Variants in CHKB observed in about 807,000 individuals in gnomAD.
CHKB encodes the protein choline/ethanolamine kinase.
A neutral mutation model predicts 57.3 loss-of-function variants in CHKB; 45 were observed. That is an observed-to-expected ratio of 0.79 (90% CI 0.62 to 1.01). CHKB has a LOEUF of 1.01. CHKB is among the 50% of genes least tolerant of loss of function. CHKB has a pLI of 0.00. For synonymous variants in CHKB, 224 were observed against 201.8 expected, an observed-to-expected ratio of 1.11 and a Z score of -0.93; for missense variants, 517 against 502.8, an observed-to-expected ratio of 1.03 and a Z score of -0.27.
chr22:50,582,207 G>T, intron 2 of CHKB, 42 bp downstream of exon 2: 2 of 1,502,864 alleles, frequency 1.3e-6, no homozygotes, highest in Non-Finnish European at 1.8e-6. Context: ...TAAGCGACAG[G>T]CCCTAAAGCC....
At chr22:50,579,600 A>T in intron 9 of CHKB, 93 bp from the exon 10 acceptor site, 2 of 1,512,560 alleles carry the variant, frequency 1.3e-6, no homozygotes, top group Non-Finnish European at 1.8e-6. Flanking sequence ...CTACAGTTTT[A>T]ACTTCTCCCC....
rs1412475713 is a variant in CHKB at position 50,581,730 on chromosome 22, G to T, written c.447+19C>A. On this transcript the variant is annotated intron_variant, in intron 3 of 10. Coordinates refer to ENST00000406938, the MANE Select transcript of CHKB (RefSeq NM_005198.5). ...GGTGGAGGTGCCTTGGGGAGGAGAG[G>T]GTAGGACTGGGCCCGTACTGGGATG... The T allele has an allele frequency of 2.5e-6, 4 of 1,608,286 alleles. No homozygotes were observed. In the African/African-American group the frequency reaches 4.0e-5, roughly 16 times the overall value.
chr22:50,582,204 C>T (rs1162419560), intron 2 of CHKB, 45 bp downstream of exon 2: 1 of 1,497,962 alleles, frequency 6.7e-7, no homozygotes, highest in Non-Finnish European at 9.1e-7. Context: ...GCGTAAGCGA[C>T]AGGCCCTAAA....
chr22:50,581,285 T>C, intron 4 of CHKB, 135 bp downstream of exon 4: 2 of 1,222,702 alleles, frequency 1.6e-6, no homozygotes, highest in Non-Finnish European at 2.3e-6. Flanking sequence ...CTGGCAAGCA[T>C]TTAAAAGCCT....
At position 50,582,375 on chromosome 22, in the gene CHKB, GC is replaced by G; in HGVS notation, c.225-19del. ...GGCCTCCGCTGCAGACCCACACCAG[GC>G]GCGCTCAGCCCGCGGCCGGCCCTAC... On this transcript the variant is annotated intron_variant, in intron 1 of 10. Transcript: ENST00000406938. 1 of 1,537,374 alleles carries G rather than the reference GC, an allele frequency of 6.5e-7. No homozygotes were observed. Among genetic ancestry groups the G allele is most frequent in the South Asian group, 1.2e-5 (1 of 84,002 alleles).
rs752292240 is a variant in CHKB at position 50,582,644 on chromosome 22, C to A, written c.138G>T (p.Glu46Asp). Residue 46 changes from glutamate (E) to aspartate (D), a missense_variant, in exon 1 of 11, where the codon GAG (glutamate) becomes GAT (aspartate). Coordinates refer to ENST00000406938, the MANE Select transcript of CHKB (RefSeq NM_005198.5). The stretch of plus-strand genomic sequence containing the variant: ...CCCGGCACCATTGGTAGGCTCGGCG[C>A]TCGGCGTCACGCGACAGCGACGAGG... Reference protein sequence around the residue: ...RRASSLSRDAERRAYQWCREY... With the variant: ...RRASSLSRDADRRAYQWCREY... 21 of 1,610,736 alleles carry A rather than the reference C, an allele frequency of 1.3e-5. No homozygotes were observed. The highest frequency in any genetic ancestry group is 1.6e-4 in the Middle Eastern group (1 of 6,074).
At chr22:50,580,683 C>T in intron 4 of CHKB, 23 bp from the exon 5 acceptor site, 2 of 1,608,444 alleles carry the variant, frequency 1.2e-6, no homozygotes, top group Non-Finnish European at 1.7e-6. Context: ...GAATAGGATA[C>T]ACTGGCTCTG....
At chr22:50,581,250 A>C (rs1243521341) in intron 4 of CHKB, among the ~76,000 whole-genome samples, 170 bp downstream of exon 4, 1 of 152,164 alleles carries the variant, frequency 6.6e-6, no homozygotes, top group African/African-American at 2.4e-5. Context: ...CTGGGATTAC[A>C]GGCATGAGGC....
At chr22:50,582,163 A>G (rs1220669507) in intron 2 of CHKB, 86 bp downstream of exon 2, 3 of 1,257,836 alleles carry the variant, frequency 2.4e-6, no homozygotes, top group Non-Finnish European at 3.4e-6. Flanking sequence ...GGTGTCCTCA[A>G]CTGCGCAACG....
rs145253375 is a variant in CHKB at position 50,580,526 on chromosome 22, G to A, written c.677+39C>T. On this transcript the variant is annotated intron_variant, in intron 5 of 10. Transcript: ENST00000406938. ...AGCCCTCAGCAACTACTGGAAGGGCGGACACCATTACCATTAGCCTTGTCC... is the reference window on the plus strand; with the variant it reads ...AGCCCTCAGCAACTACTGGAAGGGCAGACACCATTACCATTAGCCTTGTCC... 410 of 1,611,366 alleles carry A rather than the reference G, an allele frequency of 2.5e-4. 2 individuals are homozygous for A. The highest frequency in any genetic ancestry group is 3.4e-4 in the Middle Eastern group (2 of 5,876).
intron 1 of CHKB, 30 bp downstream of exon 1, chr22:50,582,528 C>A (rs1376427796): frequency 6.3e-7 from 1 of 1,588,714 alleles, no homozygotes; most frequent in Non-Finnish European, 8.6e-7. Context: ...CCGATCCGCG[C>A]ACCGGAGAGG....
chr22:50,582,444 C>T (rs2070715956), intron 1 of CHKB, 87 bp from the exon 2 acceptor site: 1 of 1,462,006 alleles, frequency 6.8e-7, no homozygotes, highest in Non-Finnish European at 9.1e-7. Context: ...CGGCCCCGCC[C>T]CGCCCCAGGC....
intron 7 of CHKB, 32 bp downstream of exon 7, chr22:50,580,158 A>G (rs2070654184): frequency 6.2e-7 from 1 of 1,613,392 alleles, no homozygotes; most frequent in Admixed American, 1.7e-5. Flanking sequence ...CTATGGGAAC[A>G]GATCTATGGG....
In CHKB at chr22:50,580,233, T is replaced by C. The variant is rs778897184; in HGVS notation, c.775A>G (p.Ser259Gly). Residue 259 changes from serine to glycine, a missense_variant, in exon 7 of 11, where the codon AGC becomes GGC. Ser to Gly is a moderately conservative substitution (Grantham distance 56, BLOSUM62 0). Coordinates refer to ENST00000406938, the MANE Select transcript of CHKB (RefSeq NM_005198.5). ...TACTCGAAGTCCACCAGCATGAGGCTGTCAGCATTTTCTGGCTCTGAGAGC... is the reference window on the plus strand; with the variant it reads ...TACTCGAAGTCCACCAGCATGAGGCCGTCAGCATTTTCTGGCTCTGAGAGC... ...LLLSEPENAD[S>G]LMLVDFEYSS... The C allele has an allele frequency of 6.2e-7, 1 of 1,614,008 alleles. No individual in the cohort carries two copies. The highest frequency in any genetic ancestry group is 1.3e-5 in the African/African-American group (1 of 75,062).
intron 2 of CHKB, 158 bp from the exon 3 acceptor site, chr22:50,582,020 GGGTCTCACTATGTTGTCCAGGCT>G (rs1277031060): frequency 1.4e-5 from 11 of 785,110 alleles, no homozygotes; most frequent in Non-Finnish European, 2.0e-5. Flanking sequence ...TTAGAGATGG[GGGTCTCACTATGTTGTCCAGGCT>G]GGTCTCGAAC....
intron 5 of CHKB, 74 bp downstream of exon 5, chr22:50,580,491 C>T (rs2070666736): frequency 1.2e-6 from 2 of 1,609,434 alleles, no homozygotes; most frequent in South Asian, 1.1e-5. Flanking sequence ...ACAGGCCAGG[C>T]CCTGACACCA....
In CHKB at chr22:50,582,743, A is replaced by T; in HGVS notation, c.39T>A (p.Ala13=). 1 of 1,598,040 alleles carries T rather than the reference A, an allele frequency of 6.3e-7. No homozygotes were observed. Among genetic ancestry groups the T allele is most frequent in the Non-Finnish European group, 8.5e-7 (1 of 1,173,608 alleles). ...CGTCTTTGGCCAGGCAGCCGCCAAC[A>T]GCCCCGCTTCCGGCCACAGCTGTCG... ...AEATAVAGSG[A]VGGCLAKDGL... The change falls in exon 1 of 11, where the codon GCT becomes GCA. Residue 13 remains alanine, a synonymous_variant. Transcript: ENST00000406938.
At chr22:50,582,489 C>T (rs986782734) in intron 1 of CHKB, 69 bp downstream of exon 1, 3 of 1,520,066 alleles carry the variant, frequency 2.0e-6, no homozygotes, top group Admixed American at 4.0e-5. Flanking sequence ...CATGGAGCAT[C>T]CTGAGGGCCC....
At position 50,582,640 on chromosome 22, in the gene CHKB, G is replaced by C; in HGVS notation, c.142C>G (p.Arg48Gly). The C allele has an allele frequency of 6.2e-7, 1 of 1,610,888 alleles. No homozygotes were observed. The highest frequency in any genetic ancestry group is 8.5e-7 in the Non-Finnish European group (1 of 1,179,384). ...TACTCCCGGCACCATTGGTAGGCTC[G>C]GCGCTCGGCGTCACGCGACAGCGAC... is the stretch of plus-strand genomic sequence containing the variant. ...ASSLSRDAER[R>G]AYQWCREYLG... The change falls in exon 1 of 11, where the codon CGA becomes GGA. Residue 48 changes from arginine to glycine, a missense_variant. Physicochemically the swap from Arg to Gly is moderately radical, Grantham distance 125. Coordinates refer to ENST00000406938, the MANE Select transcript of CHKB (RefSeq NM_005198.5).
Sources: gnomAD v4.1 joint callset for allele counts (sites outside exome capture counted in the v4.1 genomes callset) on GRCh38, gnomAD v4.1.1 for gene constraint, MANE v1.5 for transcripts, NCBI Gene and HGNC (gene_info 2026-07-23, HGNC 2026-07-21) for gene names.